TENM2: variants seen among roughly 807,000 people sequenced by gnomAD.
TENM2 encodes teneurin transmembrane protein 2, also known as teneurin-2.
A neutral mutation model predicts 245.2 loss-of-function variants in TENM2; 52 were observed. That is an observed-to-expected ratio of 0.21 (90% CI 0.17 to 0.27). The LOEUF is 0.27. Among genes scored for constraint, TENM2 ranks in the 10% least tolerant of loss-of-function variants. The probability of loss-of-function intolerance (pLI) is 1.00; values close to 1 mark genes in which losing one functional copy is unlikely to be tolerated. For missense variants in TENM2, 3,046 were observed against 3,666.8 expected (o/e 0.83, Z 4.37); for synonymous variants, 1,363 against 1,438.9 (o/e 0.95, Z 1.19).
chr5:167,428,493 T>C (rs1764015658), intron 2 of TENM2, among the ~76,000 whole-genome samples: 1 of 152,254 alleles, frequency 6.6e-6, no homozygotes, highest in East Asian at 1.9e-4. Context: ...AACTGTAAGC[T>C]TCTTTCTTCC....
At chr5:167,379,983 T>C (rs543689973) in intron 2 of TENM2, among the ~76,000 whole-genome samples, 1 of 150,432 alleles carries the variant, frequency 6.6e-6, no homozygotes, top group Admixed American at 6.6e-5. Flanking sequence ...ATGACATTGA[T>C]TTCAATTTGT....
At chr5:167,551,098 T>C (rs1582365594) in intron 2 of TENM2, among the ~76,000 whole-genome samples, 2 of 152,328 alleles carry the variant, frequency 1.3e-5, no homozygotes, top group East Asian at 3.9e-4. Context: ...GTCATTATGG[T>C]GATGAGAGAT....
intron 11 of TENM2, 43 bp from the exon 14 acceptor site, chr5:168,126,711 C>T (rs376766447): frequency 1.0e-5 from 16 of 1,532,766 alleles, no homozygotes; most frequent in Non-Finnish European, 1.4e-5. Context: ...TGGAAGGTTT[C>T]ACCAGCTGTG....
intron 2 of TENM2, among the ~76,000 whole-genome samples, chr5:167,518,369 T>G (rs1294127627): frequency 2.0e-5 from 3 of 152,146 alleles, no homozygotes; most frequent in African/African-American, 7.2e-5. Context: ...TTACAAGAGA[T>G]CCTTCATTCT....
chr5:167,305,523 C>A (rs544398102), intron 1 of TENM2, among the ~76,000 whole-genome samples: 113 of 152,248 alleles, frequency 7.4e-4, no homozygotes, highest in African/African-American at 2.6e-3. Flanking sequence ...GCTTAAAAAA[C>A]CAGGAAATAT....
intron 2 of TENM2, among the ~76,000 whole-genome samples, chr5:167,866,088 A>C (rs1772296259): frequency 6.6e-6 from 1 of 152,246 alleles, no homozygotes; most frequent in African/African-American, 2.4e-5. Context: ...GCTAACATGT[A>C]ACAAAAGCAA....
intron 2 of TENM2, among the ~76,000 whole-genome samples, chr5:167,696,184 C>A (rs1473679999): frequency 2.0e-5 from 3 of 152,106 alleles, no homozygotes; most frequent in Non-Finnish European, 4.4e-5. Flanking sequence ...TGGGAATCTG[C>A]TGTCCAGGTT....
chr5:167,610,978 T>C (rs1003607236), intron 2 of TENM2, among the ~76,000 whole-genome samples: 1 of 152,180 alleles, frequency 6.6e-6, no homozygotes, highest in African/African-American at 2.4e-5. Context: ...GACTAAGCCC[T>C]GGGAAAACCA....
At chr5:168,014,364 A>G (rs1173249559) in intron 5 of TENM2, among the ~76,000 whole-genome samples, 1 of 152,154 alleles carries the variant, frequency 6.6e-6, no homozygotes, top group Non-Finnish European at 1.5e-5. Flanking sequence ...CCTTCTCCAA[A>G]TTATGTAATT....
At chr5:167,018,129 A>G in the TENM2 span, among the ~76,000 whole-genome samples, 3 of 152,214 alleles carry the variant, frequency 2.0e-5, no homozygotes, top group Admixed American at 2.0e-4. Flanking sequence ...ATATCAAGCC[A>G]CTCAATCACA....
intron 22 of TENM2, among the ~76,000 whole-genome samples, chr5:168,217,164 G>A (rs1356519300): frequency 6.6e-6 from 1 of 152,174 alleles, no homozygotes; most frequent in East Asian, 1.9e-4. Context: ...AGTGGAACTG[G>A]TGACACACTC....
At chr5:168,234,506 A>T (rs561036897) in intron 25 of TENM2, among the ~76,000 whole-genome samples, 1 of 152,304 alleles carries the variant, frequency 6.6e-6, no homozygotes, top group South Asian at 2.1e-4. Flanking sequence ...AATATCCCAA[A>T]TATAGTCTAC....
At chr5:167,453,643 G>T (rs1280709353) in intron 2 of TENM2, among the ~76,000 whole-genome samples, 1 of 152,084 alleles carries the variant, frequency 6.6e-6, no homozygotes, top group East Asian at 1.9e-4. Flanking sequence ...TCCTCATTTA[G>T]TTCATAGTCC....
At chr5:167,153,674 T>TATATATAC in the TENM2 span, among the ~76,000 whole-genome samples, 12 of 151,970 alleles carry the variant, frequency 7.9e-5, no homozygotes, top group African/African-American at 2.4e-4. Flanking sequence ...TAAATATATA[T>TATATATAC]ATATATATAC....
the TENM2 span, among the ~76,000 whole-genome samples, chr5:167,240,448 T>C: frequency 6.6e-6 from 1 of 152,092 alleles, no homozygotes; most frequent in South Asian, 2.1e-4. Flanking sequence ...TTTTACCTCA[T>C]GTGTATCAGT....
intron 2 of TENM2, among the ~76,000 whole-genome samples, chr5:167,859,573 C>T (rs1432473646): frequency 3.5e-3 from 388 of 111,830 alleles, no homozygotes; most frequent in African/African-American, 0.013. Context: ...GTCAGCCCCC[C>T]GCCTGGCCAG....
At chr5:167,585,524 C>T (rs1413823814) in intron 2 of TENM2, among the ~76,000 whole-genome samples, 1 of 152,106 alleles carries the variant, frequency 6.6e-6, no homozygotes, top group African/African-American at 2.4e-5. Context: ...TTTAATTAGG[C>T]CTATGGGACC....
chr5:168,044,678 A>G (rs1047035186), intron 5 of TENM2, among the ~76,000 whole-genome samples: 1 of 152,062 alleles, frequency 6.6e-6, no homozygotes, highest in African/African-American at 2.4e-5. Context: ...GCCCTTAAGG[A>G]GCCATTATTC....
intron 3 of TENM2, among the ~76,000 whole-genome samples, chr5:167,879,042 C>A (rs1407838398): frequency 6.6e-6 from 1 of 152,062 alleles, no homozygotes; most frequent in Non-Finnish European, 1.5e-5. Flanking sequence ...TTGGTGAAGC[C>A]CATCATTAGG....
Sources: allele counts gnomAD v4.1 joint callset (sites outside exome capture counted in the v4.1 genomes callset), GRCh38; gene constraint gnomAD v4.1.1; transcripts MANE v1.5; gene names NCBI Gene and HGNC (gene_info 2026-07-23, HGNC 2026-07-21).